The following MAP2K5 variants were observed in gnomAD, a reference collection of about 807,000 sequenced individuals.
The protein encoded by MAP2K5 is mitogen-activated protein kinase kinase 5.
In MAP2K5, 49 loss-of-function variants were observed where a neutral mutation model predicts 83.1. That is an observed-to-expected ratio of 0.59 (90% confidence interval 0.47 to 0.75). MAP2K5 has a LOEUF of 0.75. MAP2K5 is among the 30% of genes least tolerant of loss of function. The probability of loss-of-function intolerance (pLI) is 0.00; values close to 1 mark genes in which losing one functional copy is unlikely to be tolerated. For missense variants in MAP2K5, 457 were observed against 557.5 expected (o/e 0.82, Z 1.82); for synonymous variants, 202 against 191.8 (o/e 1.05, Z -0.44).
chr15:67,711,728 A>AC (rs775471464), intron 16 of MAP2K5, among the ~76,000 whole-genome samples: 10 of 152,220 alleles, frequency 6.6e-5, no homozygotes, highest in Non-Finnish European at 1.3e-4. Context: ...GGGAAAAGAG[A>AC]CAACAGCACT....
intron 8 of MAP2K5, among the ~76,000 whole-genome samples, chr15:67,602,053 G>T (rs1186532827): frequency 6.6e-6 from 1 of 152,172 alleles, no homozygotes; most frequent in African/African-American, 2.4e-5. Context: ...TGTTCCTTGG[G>T]CCTTGGGCCT....
chr15:67,735,703 C>T (rs1030808302), intron 17 of MAP2K5, among the ~76,000 whole-genome samples: 6 of 152,126 alleles, frequency 3.9e-5, no homozygotes, highest in East Asian at 1.9e-4. Context: ...ACGCTTGAGC[C>T]GAGGCTCTGA....
chr15:67,694,757 A>G (rs1273315660), intron 15 of MAP2K5, among the ~76,000 whole-genome samples: 4 of 152,050 alleles, frequency 2.6e-5, no homozygotes, highest in Non-Finnish European at 4.4e-5. Flanking sequence ...TCCCATTACC[A>G]GGTATATACC....
At position 67,552,330 on chromosome 15, in the gene MAP2K5, A is replaced by G. The variant is rs1473375542; in HGVS notation, c.184+2248A>G. Among the ~76,000 whole-genome samples, 6 of 152,210 alleles carry G rather than the reference A, an allele frequency of 3.9e-5. No homozygotes were observed. Among genetic ancestry groups the G allele is most frequent in the Non-Finnish European group, 7.3e-5 (5 of 68,048 alleles). On this transcript the variant is annotated intron_variant, in intron 2 of 21. Transcript: ENST00000178640. The surrounding 1 kb of genome is among the most constrained non-coding windows in gnomAD (Gnocchi z 4.2). ...CTTGCAGGTTCCACGGGTTTCATGG[A>G]CAGTCTGATAGTTAACATTCGGAGT...
intron 16 of MAP2K5, among the ~76,000 whole-genome samples, chr15:67,710,014 C>G (rs1185047283): frequency 6.6e-6 from 1 of 152,116 alleles, no homozygotes; most frequent in Non-Finnish European, 1.5e-5. Context: ...CTATAGGAGT[C>G]AGACTGAAAG....
chr15:67,688,207 A>G (rs1198173243), intron 13 of MAP2K5, among the ~76,000 whole-genome samples: 3 of 152,338 alleles, frequency 2.0e-5, no homozygotes, highest in East Asian at 3.9e-4. Context: ...GTGGGCATGG[A>G]AAAGAGTGGC....
At position 67,802,800 on chromosome 15, in the gene MAP2K5, T is replaced by G. The variant is rs1408830771; in HGVS notation, c.1243-3846T>G. On this transcript the variant is annotated intron_variant, in intron 21 of 21. Coordinates refer to ENST00000178640, the MANE Select transcript of MAP2K5 (RefSeq NM_145160.3). This position sits in a 1 kb window ranked among gnomAD's most constrained non-coding sequence, Gnocchi z 5.0. ...CACCATGCCGCGCTTCCATTGTTCC[T>G]TATAGCCTGATGGGGCTGCAAGAGC... Among the ~76,000 whole-genome samples, 1 of 152,234 alleles carries G rather than the reference T, an allele frequency of 6.6e-6. No individual in the cohort carries two copies. The highest frequency in any genetic ancestry group is 1.9e-4 in the East Asian group (1 of 5,198).
intron 8 of MAP2K5, chr15:67,627,837 T>G: frequency 2.0e-6 from 1 of 490,618 alleles, no homozygotes. Flanking sequence ...AAAGTCTCTG[T>G]TCTCCCTGCT....
chr15:67,591,017 A>ATGGG (rs1482218195), intron 6 of MAP2K5, among the ~76,000 whole-genome samples: 1 of 151,946 alleles, frequency 6.6e-6, no homozygotes, highest in Non-Finnish European at 1.5e-5. Context: ...GACAACTAGC[A>ATGGG]TGGGTAGGTA....
intron 12 of MAP2K5, among the ~76,000 whole-genome samples, chr15:67,661,635 G>A (rs2087240409): frequency 6.6e-6 from 1 of 152,062 alleles, no homozygotes; most frequent in African/African-American, 2.4e-5. Context: ...AATAATTTTA[G>A]CAAATATTAT....
intron 21 of MAP2K5, among the ~76,000 whole-genome samples, chr15:67,795,041 A>C (rs1194398194): frequency 6.6e-6 from 1 of 152,140 alleles, no homozygotes; most frequent in Non-Finnish European, 1.5e-5. Context: ...TCCACTTCTC[A>C]TCATCTCACA....
intron 8 of MAP2K5, among the ~76,000 whole-genome samples, chr15:67,605,546 T>C (rs939193513): frequency 4.6e-5 from 7 of 152,226 alleles, no homozygotes; most frequent in African/African-American, 1.7e-4. Context: ...GTATTTTTAA[T>C]CCTAATTTAT....
intron 8 of MAP2K5, among the ~76,000 whole-genome samples, chr15:67,606,483 T>G (rs958918090): frequency 2.6e-5 from 4 of 152,176 alleles, no homozygotes; most frequent in Non-Finnish European, 4.4e-5. Flanking sequence ...TAGGAATTAA[T>G]TTGAACCTAT....
At chr15:67,580,612 G>A (rs1213393697) in intron 3 of MAP2K5, 142 bp from the exon 4 acceptor site, 1 of 627,492 alleles carries the variant, frequency 1.6e-6, no homozygotes, top group Non-Finnish European at 2.9e-6. Flanking sequence ...TCATTTTGAT[G>A]TGCCAGTAGG....
At chr15:67,616,197 A>C (rs955985179) in intron 8 of MAP2K5, among the ~76,000 whole-genome samples, 1 of 152,072 alleles carries the variant, frequency 6.6e-6, no homozygotes, top group African/African-American at 2.4e-5. Context: ...AGAGCAAAGA[A>C]GCATCATCTG....
rs2090125766 is a variant in MAP2K5 at position 67,770,722 on chromosome 15, T to C, written c.1196+1059T>C. Among the ~76,000 whole-genome samples the C allele has an allele frequency of 6.6e-6, 1 of 152,186 alleles. No homozygotes were observed. The highest frequency in any genetic ancestry group is 2.4e-5 in the African/African-American group (1 of 41,446). On this transcript the variant is annotated intron_variant, in intron 20 of 21. Coordinates refer to ENST00000178640, the MANE Select transcript of MAP2K5 (RefSeq NM_145160.3). The surrounding 1 kb of genome is among the most constrained non-coding windows in gnomAD (Gnocchi z 5.0). ...TCCCCTCCCACTATGATCTGTCCGA[T>C]GATTATGCTAAAGGGAAACCAAGAA...
chr15:67,653,291 T>A (rs1596728145), intron 11 of MAP2K5, among the ~76,000 whole-genome samples: 1 of 148,936 alleles, frequency 6.7e-6, no homozygotes, highest in Non-Finnish European at 1.5e-5. Context: ...TAAAATATTT[T>A]TTTTTTTTTT....
chr15:67,671,258 G>A (rs1398475533), intron 13 of MAP2K5, among the ~76,000 whole-genome samples: 1 of 152,058 alleles, frequency 6.6e-6, no homozygotes, highest in Non-Finnish European at 1.5e-5. Context: ...GAAAAGGGAG[G>A]GGAGAATTTC....
chr15:67,599,939 G>A (rs1005506394), intron 7 of MAP2K5, among the ~76,000 whole-genome samples: 1 of 152,126 alleles, frequency 6.6e-6, no homozygotes, highest in African/African-American at 2.4e-5. Context: ...TAATACAAAT[G>A]AGAGTAGTTA....
Sources: allele counts gnomAD v4.1 joint callset (sites outside exome capture counted in the v4.1 genomes callset), GRCh38; gene constraint gnomAD v4.1.1; non-coding constraint Gnocchi (gnomAD v3.1); transcripts MANE v1.5; gene names NCBI Gene and HGNC (gene_info 2026-07-23, HGNC 2026-07-21).